Variants in PRPSAP1 observed in about 807,000 individuals in gnomAD.
PRPSAP1 encodes phosphoribosyl pyrophosphate synthetase associated protein 1, also known as phosphoribosyl pyrophosphate synthase-associated protein 1.
PRPSAP1 carries 31 observed loss-of-function variants against 39.4 expected under a neutral mutation model. The observed-to-expected ratio is 0.79, with a 90% CI of 0.59 to 1.06. The LOEUF (loss-of-function observed/expected upper bound fraction) is 1.06. Among genes scored for constraint, PRPSAP1 ranks in the 50% least tolerant of loss-of-function variants. The pLI, the probability that PRPSAP1 is intolerant of heterozygous loss-of-function variation, is 0.00. For missense variants in PRPSAP1, 430 were observed against 511.6 expected (o/e 0.84, Z 1.54); for synonymous variants, 212 against 192.6 (o/e 1.10, Z -0.83).
In PRPSAP1 at chr17:76,353,718, C is replaced by A; in HGVS notation, c.-15G>T. ...TTCTTGGGCATCGTCCGGCCCGCGG[C>A]GCGGTTACGACCGGCCCCGCGCGGG... is the stretch of plus-strand genomic sequence containing the variant. On this transcript the variant is annotated 5_prime_UTR_variant, in exon 1 of 10. Coordinates refer to ENST00000446526, the MANE Select transcript of PRPSAP1 (RefSeq NM_002766.3). 1 of 1,451,796 alleles carries A rather than the reference C, an allele frequency of 6.9e-7. No individual in the cohort carries two copies. Among genetic ancestry groups the A allele is most frequent in the Admixed American group, 2.5e-5 (1 of 39,658 alleles). The allele number at this position is 1,451,796 out of a possible 1,614,324, so 89.9% of individuals were successfully genotyped here. A position where few individuals can be genotyped will look rare whatever the true frequency, so the allele number is the denominator to read the frequency against.
intron 7 of PRPSAP1, among the ~76,000 whole-genome samples, chr17:76,325,766 G>A (rs373196418): frequency 4.3e-4 from 65 of 151,704 alleles, no homozygotes; most frequent in African/African-American, 1.1e-3. Context: ...CACTACGCCC[G>A]GCTAATTTTT....
intron 1 of PRPSAP1, among the ~76,000 whole-genome samples, chr17:76,349,422 TACTCTTTTTACA>T (rs1567811066): frequency 6.6e-6 from 1 of 152,100 alleles, no homozygotes; most frequent in African/African-American, 2.4e-5. Context: ...TAGTAAGCAT[TACTCTTTTTACA>T]AGTGAAATGA....
chr17:76,324,905 C>CA (rs775094160), intron 7 of PRPSAP1, among the ~76,000 whole-genome samples: 4,265 of 130,542 alleles, frequency 0.033, 51 homozygotes, highest in Middle Eastern at 0.066. Flanking sequence ...ACTAAAAATA[C>CA]AAAAAAAAAA....
intron 1 of PRPSAP1, among the ~76,000 whole-genome samples, chr17:76,352,122 T>C (rs1189386943): frequency 6.6e-6 from 1 of 152,034 alleles, no homozygotes; most frequent in Non-Finnish European, 1.5e-5. Flanking sequence ...CCCTTTCTTC[T>C]ACATTTCCCC....
In PRPSAP1 at chr17:76,332,446, C is replaced by G; in HGVS notation, c.291-11G>C. 1 of 1,613,122 alleles carries G rather than the reference C, an allele frequency of 6.2e-7. No homozygotes were observed. Among genetic ancestry groups the G allele is most frequent in the Non-Finnish European group, 8.5e-7 (1 of 1,179,266 alleles). ...GCTGTATTCACATCTCTGAAACAGT[C>G]AAAGTTTGTATTTGGGGATTAATTC... is the stretch of plus-strand genomic sequence containing the variant. On this transcript the variant is annotated splice_polypyrimidine_tract_variant and intron_variant, in intron 3 of 9. Coordinates refer to ENST00000446526, the MANE Select transcript of PRPSAP1 (RefSeq NM_002766.3).
chr17:76,339,644 A>G (rs777468851), intron 3 of PRPSAP1, among the ~76,000 whole-genome samples: 2 of 151,648 alleles, frequency 1.3e-5, no homozygotes, highest in Non-Finnish European at 2.9e-5. Context: ...CCAAATACAC[A>G]TAAAGAAACT....
chr17:76,345,184 G>A (rs889248609), intron 2 of PRPSAP1, among the ~76,000 whole-genome samples: 6 of 146,618 alleles, frequency 4.1e-5, no homozygotes, highest in African/African-American at 7.6e-5. Flanking sequence ...GCAGTGAGCC[G>A]AGATCGCGCC....
intron 3 of PRPSAP1, among the ~76,000 whole-genome samples, chr17:76,337,894 C>T (rs532499165): frequency 1.3e-5 from 2 of 152,188 alleles, no homozygotes; most frequent in South Asian, 2.1e-4. Flanking sequence ...TGTGAGCCAC[C>T]GTGCCCAGCT....
rs1469860414 is a variant in PRPSAP1, at chr17:76,348,550, C to G, written c.202G>C (p.Val68Leu). Residue 68 changes from valine to leucine, a missense_variant, in exon 2 of 10, where the codon GTA (valine) becomes CTA (leucine). By Grantham distance (32) the Val-to-Leu change is conservative. Transcript: ENST00000446526. ...RLGAELGKSV[V>L]YQETNGETRV... ...TTACCTCCATTGGTCTCTTGATATACAACAGACTTCCCCAATTCAGCACCA... is the reference window on the plus strand; with the variant it reads ...TTACCTCCATTGGTCTCTTGATATAGAACAGACTTCCCCAATTCAGCACCA... The G allele has an allele frequency of 1.3e-6, 2 of 1,525,048 alleles. No homozygotes were observed. The highest frequency in any genetic ancestry group is 2.9e-5 in the African/African-American group (2 of 69,214). The allele number at this position is 1,525,048 out of a possible 1,614,324, so 94.5% of individuals were successfully genotyped here.
At chr17:76,312,692 C>T in intron 9 of PRPSAP1, 178 bp downstream of exon 9, 1 of 654,754 alleles carries the variant, frequency 1.5e-6, no homozygotes, top group Non-Finnish European at 2.3e-6. Flanking sequence ...TAAGTTGAAC[C>T]ATGGTAAGTC....
chr17:76,336,755 AAAGAG>A (rs1238128167), intron 3 of PRPSAP1, among the ~76,000 whole-genome samples: 3 of 150,842 alleles, frequency 2.0e-5, no homozygotes, highest in African/African-American at 4.9e-5. Context: ...AAAAAAAAAA[AAAGAG>A]CAATTTCCCA....
intron 8 of PRPSAP1, 112 bp from the exon 9 acceptor site, chr17:76,313,128 G>GA: frequency 7.5e-7 from 1 of 1,324,912 alleles, no homozygotes; most frequent in Non-Finnish European, 1.0e-6. Flanking sequence ...ATTTCTGATG[G>GA]AAAATCAGAG....
chr17:76,332,333 G>A lies in PRPSAP1; in HGVS notation c.393C>T (p.Ser131=), dbSNP rs1598529274. The change falls in exon 4 of 10, where the codon AGC becomes AGT. Residue 131 remains serine, a synonymous_variant. Coordinates refer to ENST00000446526, the MANE Select transcript of PRPSAP1 (RefSeq NM_002766.3). ...IIGVIPYFPY[S]KQSKMRKRGS... ...CCCTCTTCCTCATCTTGCTCTGCTT[G>A]CTGTAGGGGAAGTAGGGGATGACCC... 1 of 1,614,150 alleles carries A rather than the reference G, an allele frequency of 6.2e-7. No homozygotes were observed. The highest frequency in any genetic ancestry group is 8.5e-7 in the Non-Finnish European group (1 of 1,180,036).
chr17:76,346,258 G>A (rs2071500183), intron 2 of PRPSAP1, among the ~76,000 whole-genome samples: 1 of 152,218 alleles, frequency 6.6e-6, no homozygotes, highest in African/African-American at 2.4e-5. Flanking sequence ...AGGAGCATAT[G>A]TCATGAATAG....
intron 3 of PRPSAP1, among the ~76,000 whole-genome samples, chr17:76,342,163 T>C (rs947891871): frequency 1.3e-5 from 2 of 152,074 alleles, no homozygotes; most frequent in African/African-American, 4.8e-5. Flanking sequence ...CAATATGATG[T>C]ATATACGATG....
intron 2 of PRPSAP1, among the ~76,000 whole-genome samples, chr17:76,348,243 CAATA>C (rs1567810565): frequency 6.6e-6 from 1 of 151,892 alleles, no homozygotes; most frequent in African/African-American, 2.4e-5. Flanking sequence ...GAGGCCGAGG[CAATA>C]GGGTCCCCTG....
intron 4 of PRPSAP1, 109 bp from the exon 5 acceptor site, chr17:76,330,775 G>T (rs1421744419): frequency 1.6e-6 from 1 of 638,886 alleles, no homozygotes; most frequent in East Asian, 2.9e-5. Context: ...ACTGAAGACG[G>T]GGTACTGTGA....
At chr17:76,348,346 G>A (rs34294742) in intron 2 of PRPSAP1, among the ~76,000 whole-genome samples, 183 bp downstream of exon 2, 14,942 of 151,440 alleles carry the variant, frequency 0.099, 794 homozygotes, top group South Asian at 0.19. Context: ...GGTGGCGGGC[G>A]TCTGTAATCC....
chr17:76,327,175 C>T (rs1233877851), intron 7 of PRPSAP1, among the ~76,000 whole-genome samples: 5 of 150,158 alleles, frequency 3.3e-5, no homozygotes, highest in African/African-American at 1.2e-4. Context: ...TGGTAAAACC[C>T]TGTCTCTACT....
Sources: gnomAD v4.1 joint callset for allele counts (sites outside exome capture counted in the v4.1 genomes callset) on GRCh38, gnomAD v4.1.1 for gene constraint, MANE v1.5 for transcripts, NCBI Gene and HGNC (gene_info 2026-07-23, HGNC 2026-07-21) for gene names.